Variants in LINGO2 observed in about 807,000 individuals in gnomAD.
LINGO2 encodes the protein leucine-rich repeat and immunoglobulin-like domain-containing nogo receptor-interacting protein 2.
Under a neutral mutation model 30.6 loss-of-function variants are expected in LINGO2, and 14 were observed. That is an observed-to-expected ratio of 0.46 (90% CI 0.30 to 0.72). The LOEUF (loss-of-function observed/expected upper bound fraction) is 0.72, where lower values mean the gene tolerates loss of function less well. LINGO2 is among the 30% of genes least tolerant of loss of function. The probability of loss-of-function intolerance (pLI) is 0.07; values close to 1 mark genes in which losing one functional copy is unlikely to be tolerated. For missense variants in LINGO2, 729 were observed against 751.7 expected (o/e 0.97, Z 0.35); for synonymous variants, 317 against 288.5 (o/e 1.10, Z -1.00).
intron 3 of LINGO2, among the ~76,000 whole-genome samples, chr9:28,326,531 G>C (rs984179223): frequency 6.6e-6 from 1 of 152,220 alleles, no homozygotes. Flanking sequence ...ACCACAAATA[G>C]TAATTACTGT....
intron 4 of LINGO2, among the ~76,000 whole-genome samples, chr9:28,125,906 T>C (rs1827223090): frequency 6.6e-6 from 1 of 152,210 alleles, no homozygotes; most frequent in Non-Finnish European, 1.5e-5. Context: ...TATCCCATCA[T>C]TTGTGATAAA....
chr9:28,039,204 A>G (rs1189675480), intron 4 of LINGO2, among the ~76,000 whole-genome samples: 1 of 152,188 alleles, frequency 6.6e-6, no homozygotes, highest in Non-Finnish European at 1.5e-5. Context: ...GAACATACAT[A>G]AAGTTGTTTT....
At chr9:28,929,033 A>G in the LINGO2 span, among the ~76,000 whole-genome samples, 112,629 of 152,130 alleles carry the variant, frequency 0.74, 41,851 homozygotes, top group Non-Finnish European at 0.78. Context: ...GAATTCAACA[A>G]AAGCAATTTC....
At chr9:29,054,610 T>G in the LINGO2 span, among the ~76,000 whole-genome samples, 200 of 152,308 alleles carry the variant, frequency 1.3e-3, no homozygotes, top group African/African-American at 4.6e-3. Context: ...TCTTATTTTC[T>G]GTGTTCACAA....
intron 1 of LINGO2, among the ~76,000 whole-genome samples, chr9:28,503,114 C>T (rs117545022): frequency 6.6e-6 from 1 of 151,924 alleles, no homozygotes; most frequent in African/African-American, 2.4e-5. Context: ...GACTCAAAAA[C>T]CAGGCTGTTA....
chr9:28,011,964 T>C (rs1258231890), intron 5 of LINGO2, among the ~76,000 whole-genome samples: 1 of 150,778 alleles, frequency 6.6e-6, no homozygotes, highest in Non-Finnish European at 1.5e-5. Flanking sequence ...AGTCACATTG[T>C]GTGGGTCACT....
chr9:28,310,428 G>A (rs568145113), intron 3 of LINGO2, among the ~76,000 whole-genome samples: 3 of 152,128 alleles, frequency 2.0e-5, no homozygotes, highest in Non-Finnish European at 4.4e-5. Flanking sequence ...CATGAAAGAA[G>A]CCAGATTCTT....
the LINGO2 span, among the ~76,000 whole-genome samples, chr9:29,010,639 A>G: frequency 6.6e-6 from 1 of 152,172 alleles, no homozygotes; most frequent in Non-Finnish European, 1.5e-5. Context: ...CTTCATGACA[A>G]TTTGCGTACT....
chr9:28,846,960 T>A, the LINGO2 span, among the ~76,000 whole-genome samples: 1 of 147,342 alleles, frequency 6.8e-6, no homozygotes, highest in Non-Finnish European at 1.5e-5. Flanking sequence ...GCACCACTGT[T>A]CCCATGGCAG....
At chr9:28,413,968 C>T (rs1268147587) in intron 2 of LINGO2, among the ~76,000 whole-genome samples, 1 of 150,592 alleles carries the variant, frequency 6.6e-6, no homozygotes, top group Non-Finnish European at 1.5e-5. Flanking sequence ...TATTTAATTC[C>T]CATATTAATA....
chr9:28,987,022 T>A, the LINGO2 span, among the ~76,000 whole-genome samples: 4 of 151,760 alleles, frequency 2.6e-5, no homozygotes, highest in Non-Finnish European at 4.4e-5. Flanking sequence ...CTTCTGTGTG[T>A]TGACTTTGTA....
At chr9:28,677,732 C>T in the LINGO2 span, among the ~76,000 whole-genome samples, 1 of 152,096 alleles carries the variant, frequency 6.6e-6, no homozygotes, top group Non-Finnish European at 1.5e-5. Flanking sequence ...ATAAACTGCT[C>T]TAATGAAAAA....
At chr9:28,771,463 G>A in the LINGO2 span, among the ~76,000 whole-genome samples, 2 of 54,320 alleles carry the variant, frequency 3.7e-5, no homozygotes, top group Admixed American at 4.1e-4. Context: ...GTGTGTGTGT[G>A]TGTGTGTGTG....
chr9:28,728,920 G>A, the LINGO2 span, among the ~76,000 whole-genome samples: 1 of 152,102 alleles, frequency 6.6e-6, no homozygotes, highest in Admixed American at 6.6e-5. Flanking sequence ...GGAGGATGGC[G>A]TGAGAAGAAG....
At chr9:28,963,034 T>A in the LINGO2 span, among the ~76,000 whole-genome samples, 1 of 152,010 alleles carries the variant, frequency 6.6e-6, no homozygotes, top group African/African-American at 2.4e-5. Flanking sequence ...CTAAGTAAGA[T>A]ACAATGTTCT....
At chr9:28,172,926 A>C (rs1003161237) in intron 4 of LINGO2, among the ~76,000 whole-genome samples, 1 of 152,222 alleles carries the variant, frequency 6.6e-6, no homozygotes, top group Admixed American at 6.5e-5. Context: ...GGACTGGAGT[A>C]ATGGGATGCC....
chr9:28,676,166 A>T, the LINGO2 span, among the ~76,000 whole-genome samples: 1 of 151,486 alleles, frequency 6.6e-6, no homozygotes, highest in African/African-American at 2.4e-5. Context: ...ATATAATAAA[A>T]TAGCTTTATA....
intron 2 of LINGO2, among the ~76,000 whole-genome samples, chr9:28,399,490 G>A (rs1822177241): frequency 6.6e-6 from 1 of 152,142 alleles, no homozygotes; most frequent in Non-Finnish European, 1.5e-5. Context: ...TTACATAACT[G>A]TTAAAAATGA....
At chr9:28,156,179 T>G (rs1828126190) in intron 4 of LINGO2, among the ~76,000 whole-genome samples, 1 of 152,240 alleles carries the variant, frequency 6.6e-6, no homozygotes, top group African/African-American at 2.4e-5. Context: ...TTTCGTCTTA[T>G]GTACTGAATA....
Sources: allele counts gnomAD v4.1 joint callset (sites outside exome capture counted in the v4.1 genomes callset), GRCh38; gene constraint gnomAD v4.1.1; transcripts MANE v1.5; gene names NCBI Gene and HGNC (gene_info 2026-07-23, HGNC 2026-07-21).